Variants in CACNA1C observed in about 807,000 individuals in gnomAD.
CACNA1C encodes calcium voltage-gated channel subunit alpha1 C.
CACNA1C carries 30 observed loss-of-function variants against 229.0 expected under a neutral mutation model. The observed-to-expected ratio is 0.13, with a 90% CI of 0.10 to 0.18. CACNA1C has a LOEUF of 0.18. CACNA1C is among the 10% of genes least tolerant of loss of function. The pLI is 1.00. For synonymous variants in CACNA1C, 1,114 were observed against 1,132.5 expected (o/e 0.98, Z 0.33); for missense variants, 1,658 against 2,845.0 (o/e 0.58, Z 9.49).
In CACNA1C at chr12:2,080,032, G is replaced by A. The variant is rs571719497; in HGVS notation, c.49+26421G>A. Among the ~76,000 whole-genome samples, 38 of 152,138 alleles carry A rather than the reference G, an allele frequency of 2.5e-4. No homozygotes were observed. In the South Asian group the frequency reaches 5.2e-3, roughly 21 times the overall value. On this transcript the variant is annotated intron_variant, in intron 1 of 46. Transcript: ENST00000399655. ...TCCCAACACTTTGGGAGGCTGAGGC[G>A]GGCAGATCACTTGAGGCCAGGAGTT...
chr12:2,437,588 A>G (rs2099147102), intron 3 of CACNA1C, among the ~76,000 whole-genome samples: 1 of 152,210 alleles, frequency 6.6e-6, no homozygotes, highest in African/African-American at 2.4e-5. Flanking sequence ...TAGAACAGAA[A>G]TGTCCAGGCT....
intron 3 of CACNA1C, among the ~76,000 whole-genome samples, chr12:2,141,244 G>C (rs2094150963): frequency 6.6e-6 from 1 of 151,284 alleles, no homozygotes; most frequent in Non-Finnish European, 1.5e-5. Context: ...GCAGGTCTGT[G>C]TGCTTCCCAA....
At chr12:2,256,675 G>T (rs557190354) in intron 3 of CACNA1C, among the ~76,000 whole-genome samples, 2 of 152,194 alleles carry the variant, frequency 1.3e-5, no homozygotes, top group South Asian at 4.2e-4. Flanking sequence ...GAGGACATCG[G>T]CAGGTCAGCA....
intron 9 of CACNA1C, among the ~76,000 whole-genome samples, chr12:2,545,005 T>C (rs758157112): frequency 6.6e-6 from 1 of 152,208 alleles, no homozygotes; most frequent in Non-Finnish European, 1.5e-5. Flanking sequence ...TGAATCATAC[T>C]AACAGACCAC....
chr12:2,652,518 C>A (rs143674044), intron 32 of CACNA1C, among the ~76,000 whole-genome samples: 2 of 152,252 alleles, frequency 1.3e-5, no homozygotes, highest in East Asian at 1.9e-4. Flanking sequence ...TTCTCTCCCC[C>A]CATGGAGGGG....
At chr12:2,313,990 C>T (rs903952497) in intron 3 of CACNA1C, among the ~76,000 whole-genome samples, 2 of 152,232 alleles carry the variant, frequency 1.3e-5, no homozygotes, top group East Asian at 1.9e-4. Context: ...CTGCTGCTGG[C>T]GGTGCCTATG....
At chr12:2,422,948 C>T (rs1032650243) in intron 3 of CACNA1C, among the ~76,000 whole-genome samples, 10 of 152,180 alleles carry the variant, frequency 6.6e-5, no homozygotes, top group African/African-American at 1.9e-4. Context: ...TGAGTGGGAT[C>T]GTTTCCCTTC....
At chr12:2,269,646 A>AT in intron 3 of CACNA1C, 1 of 152,324 alleles carries the variant, frequency 6.6e-6, no homozygotes, top group Middle Eastern at 3.4e-3. Context: ...CGGACAAAGA[A>AT]TGGGTACCGA....
chr12:2,242,119 C>T (rs2154375142), intron 3 of CACNA1C, among the ~76,000 whole-genome samples: 1 of 152,336 alleles, frequency 6.6e-6, no homozygotes, highest in Admixed American at 6.5e-5. Flanking sequence ...CCTGGCCTCC[C>T]ACCTCCACGC....
intron 3 of CACNA1C, among the ~76,000 whole-genome samples, chr12:2,155,760 G>A (rs1198584612): frequency 6.6e-6 from 1 of 152,212 alleles, no homozygotes; most frequent in East Asian, 1.9e-4. Flanking sequence ...GCCACCGGAG[G>A]TGGGAGGATG....
chr12:2,644,482 A>T (rs898697549), intron 30 of CACNA1C, among the ~76,000 whole-genome samples: 3 of 152,164 alleles, frequency 2.0e-5, no homozygotes, highest in Admixed American at 1.3e-4. Flanking sequence ...AATAATTTTT[A>T]AAAAACTTTT....
At chr12:2,548,764 A>G (rs562364912) in intron 9 of CACNA1C, among the ~76,000 whole-genome samples, 1 of 152,184 alleles carries the variant, frequency 6.6e-6, no homozygotes, top group Non-Finnish European at 1.5e-5. Context: ...CACATCTATC[A>G]ACATTATCCA....
At chr12:2,364,666 A>T (rs2097675985) in intron 3 of CACNA1C, among the ~76,000 whole-genome samples, 1 of 152,162 alleles carries the variant, frequency 6.6e-6, no homozygotes, top group Admixed American at 6.5e-5. Flanking sequence ...AGCTCTAGGG[A>T]TGGCCACGCT....
intron 3 of CACNA1C, among the ~76,000 whole-genome samples, chr12:2,401,595 C>A (rs1022353329): frequency 6.6e-6 from 1 of 152,184 alleles, no homozygotes; most frequent in African/African-American, 2.4e-5. Flanking sequence ...AACCCGAGAG[C>A]CAGACTGGCT....
chr12:2,527,277 G>T (rs774801679), intron 9 of CACNA1C, among the ~76,000 whole-genome samples: 1 of 152,160 alleles, frequency 6.6e-6, no homozygotes, highest in Non-Finnish European at 1.5e-5. Flanking sequence ...AAGACAAACC[G>T]CAGGCCAGCA....
At position 2,252,846 on chromosome 12, in the gene CACNA1C, C is replaced by T. The variant is rs530740487; in HGVS notation, c.477+132416C>T. Among the ~76,000 whole-genome samples, 8 of 151,864 alleles carry T rather than the reference C, an allele frequency of 5.3e-5. No individual in the cohort carries two copies. In the South Asian group the frequency reaches 1.7e-3, roughly 32 times the overall value. On this transcript the variant is annotated intron_variant, in intron 3 of 46. Coordinates refer to ENST00000399655, the MANE Select transcript of CACNA1C (RefSeq NM_000719.7). ...GTCCTCCTTAGAGGATGGCACTTTG[C>T]TGGGTCCATGGGTTTAACTTTTTTT... is the stretch of plus-strand genomic sequence containing the variant.
At chr12:2,174,529 T>A (rs2096588260) in intron 3 of CACNA1C, among the ~76,000 whole-genome samples, 1 of 152,212 alleles carries the variant, frequency 6.6e-6, no homozygotes, top group Non-Finnish European at 1.5e-5. Context: ...AGTTGCTGAT[T>A]TGGTTTTATC....
chr12:2,682,486 T>A (rs1262521635), intron 42 of CACNA1C, 64 bp from the exon 43 acceptor site: 7 of 1,581,816 alleles, frequency 4.4e-6, no homozygotes, highest in Non-Finnish European at 6.0e-6. Context: ...GATGCTTTAC[T>A]TGCTGAAGGA....
intron 3 of CACNA1C, among the ~76,000 whole-genome samples, chr12:2,248,684 G>A (rs923070206): frequency 2.0e-5 from 3 of 152,260 alleles, no homozygotes. Context: ...GAAGAGAACA[G>A]TGTCTACCTT....
Sources: allele counts gnomAD v4.1 joint callset (sites outside exome capture counted in the v4.1 genomes callset), GRCh38; gene constraint gnomAD v4.1.1; transcripts MANE v1.5; gene names NCBI Gene and HGNC (gene_info 2026-07-23, HGNC 2026-07-21).